The following WNK2 variants were observed in gnomAD, a reference collection of about 807,000 sequenced individuals.
WNK2 encodes serine/threonine-protein kinase WNK2.
A neutral mutation model predicts 192.1 loss-of-function variants in WNK2; 67 were observed. The ratio of observed to expected loss-of-function variants is 0.35; its 90% CI spans 0.29 to 0.43. The LOEUF is 0.43. Among genes scored for constraint, WNK2 ranks in the 20% least tolerant of loss-of-function variants. The pLI, the probability that WNK2 is intolerant of heterozygous loss-of-function variation, is 1.00. For synonymous variants in WNK2, 1,439 were observed against 1,393.9 expected, an observed-to-expected ratio of 1.03 and a Z score of -0.72; for missense variants, 2,698 against 3,089.7, an observed-to-expected ratio of 0.87 and a Z score of 3.01.
At chr9:93,194,317 G>C (rs575556083) in intron 2 of WNK2, among the ~76,000 whole-genome samples, 1 of 152,298 alleles carries the variant, frequency 6.6e-6, no homozygotes, top group Admixed American at 6.5e-5. Context: ...TGACCCATCT[G>C]CTTAAGGACT....
intron 7 of WNK2, among the ~76,000 whole-genome samples, chr9:93,244,632 G>C (rs1841368402): frequency 6.6e-6 from 1 of 152,182 alleles, no homozygotes; most frequent in African/African-American, 2.4e-5. Context: ...AGGTGGGCAA[G>C]GGTGGGGCCA....
At chr9:93,210,443 G>A (rs371294636) in intron 2 of WNK2, among the ~76,000 whole-genome samples, 28 of 152,192 alleles carry the variant, frequency 1.8e-4, no homozygotes, top group African/African-American at 6.7e-4. Context: ...TCAGGGGAGC[G>A]AGTGGGACCA....
chr9:93,269,052 C>A (rs1282201687), intron 19 of WNK2: 2 of 1,034,872 alleles, frequency 1.9e-6, no homozygotes, highest in East Asian at 5.2e-5. Flanking sequence ...GTTAACCTGG[C>A]AACTCCTTGC....
chr9:93,189,081 C>T (rs770608058), intron 2 of WNK2, among the ~76,000 whole-genome samples: 3 of 152,212 alleles, frequency 2.0e-5, no homozygotes, highest in Non-Finnish European at 4.4e-5. Context: ...AAAACATAGC[C>T]AACTCAGACC....
intron 2 of WNK2, among the ~76,000 whole-genome samples, chr9:93,206,515 G>T (rs899505022): frequency 2.0e-5 from 3 of 152,050 alleles, no homozygotes; most frequent in Non-Finnish European, 4.4e-5. Context: ...AGTTCTGACT[G>T]GGGGTGGGGG....
chr9:93,219,987 G>T (rs1016186579), intron 2 of WNK2, among the ~76,000 whole-genome samples: 6 of 152,246 alleles, frequency 3.9e-5, no homozygotes, highest in African/African-American at 1.4e-4. Context: ...GAGGCCTGGG[G>T]ACCAAAGGGG....
intron 28 of WNK2, among the ~76,000 whole-genome samples, chr9:93,310,170 T>C (rs10761208): frequency 0.91 from 139,166 of 152,224 alleles, 64,015 homozygotes; most frequent in East Asian, 1. Flanking sequence ...CTGTTCTGAA[T>C]GACTGCAGGG....
At chr9:93,199,448 C>A (rs1054980494) in intron 2 of WNK2, among the ~76,000 whole-genome samples, 6 of 152,188 alleles carry the variant, frequency 3.9e-5, no homozygotes, top group African/African-American at 1.2e-4. Context: ...TCCTATCTGG[C>A]CCTGTCCTGT....
Position 93,258,941 on chromosome 9 carries a change from T to G in WNK2, c.2393T>G (p.Ile798Ser). ...CTGTGTCTCTTTCAGATGCCCCCGATTCCTGTTGTGCCCCCCATCACGCCC... is the reference window on the plus strand; with the variant it reads ...CTGTGTCTCTTTCAGATGCCCCCGAGTCCTGTTGTGCCCCCCATCACGCCC... ...LAQVPPQMPPIPVVPPITPLA... is the reference protein window; with the variant it reads ...LAQVPPQMPPSPVVPPITPLA... The change falls in exon 12 of 30, where the codon ATT becomes AGT. Residue 798 changes from isoleucine to serine, a missense_variant. Transcript: ENST00000427277. 1 of 1,611,848 alleles carries G rather than the reference T, an allele frequency of 6.2e-7. No homozygotes were observed. Among genetic ancestry groups the G allele is most frequent in the Non-Finnish European group, 8.5e-7 (1 of 1,179,056 alleles).
At chr9:93,215,252 C>T (rs929282041) in intron 2 of WNK2, among the ~76,000 whole-genome samples, 5 of 152,084 alleles carry the variant, frequency 3.3e-5, no homozygotes, top group African/African-American at 9.7e-5. Flanking sequence ...GCTAAGATTA[C>T]AGGTGCTAGC....
At chr9:93,231,171 T>C in intron 4 of WNK2, 63 bp downstream of exon 4, 1 of 1,511,522 alleles carries the variant, frequency 6.6e-7, no homozygotes, top group Non-Finnish European at 9.2e-7. Flanking sequence ...CAGTGAGTGC[T>C]GGCGAGCATC....
intron 19 of WNK2, among the ~76,000 whole-genome samples, chr9:93,288,037 C>A (rs1848703356): frequency 6.6e-6 from 1 of 152,042 alleles, no homozygotes; most frequent in Non-Finnish European, 1.5e-5. Context: ...CAGAGCCAGA[C>A]CATCTCCAAA....
chr9:93,240,121 T>TGGGCAGCTGA (rs1182660440), intron 7 of WNK2, 145 bp downstream of exon 7: 1 of 895,986 alleles, frequency 1.1e-6, no homozygotes, highest in Non-Finnish European at 1.7e-6. Flanking sequence ...CAGGCAGGTG[T>TGGGCAGCTGA]GGGCAGCTGA....
chr9:93,259,583 AAGCTGCTCC>A lies in WNK2; in HGVS notation c.3043_3051del (p.Pro1015_Ala1017del), dbSNP rs1471369879. 1 of 1,591,654 alleles carries A rather than the reference AAGCTGCTCC, an allele frequency of 6.3e-7. No individual in the cohort carries two copies. ...CCCCTCCAGCCCCACCTTCCTGAAC[AAGCTGCTCC>A]AGCTGCTACACCAGGGAGCCAGGTA... On this transcript the variant is annotated inframe_deletion, in exon 12 of 30. Coordinates refer to ENST00000427277, the MANE Select transcript of WNK2 (RefSeq NM_006648.4). The surrounding 1 kb of genome is among the most constrained non-coding windows in gnomAD (Gnocchi z 4.8).
At chr9:93,262,206 G>C in intron 13 of WNK2, 99 bp downstream of exon 13, 1 of 1,413,758 alleles carries the variant, frequency 7.1e-7, no homozygotes, top group African/African-American at 1.4e-5. Context: ...GGTCGGGGTT[G>C]CTTAGCTCTG....
chr9:93,309,235 G>T, intron 28 of WNK2: 1 of 608,290 alleles, frequency 1.6e-6, no homozygotes, highest in Non-Finnish European at 2.1e-6. Context: ...TTTAGCGTGG[G>T]ATACTTTCCT....
chr9:93,288,668 G>A (rs1325592316), intron 19 of WNK2, 120 bp from the exon 20 acceptor site: 6 of 1,061,434 alleles, frequency 5.7e-6, no homozygotes, highest in Non-Finnish European at 8.0e-6. Flanking sequence ...TCGGGAAACA[G>A]AGAAGACCAG....
intron 2 of WNK2, among the ~76,000 whole-genome samples, chr9:93,196,381 G>A (rs1831287299): frequency 6.6e-6 from 1 of 152,316 alleles, no homozygotes; most frequent in South Asian, 2.1e-4. Flanking sequence ...AGATGGCCAT[G>A]TGACAGCCCT....
chr9:93,191,753 G>T (rs1049852269), intron 2 of WNK2, among the ~76,000 whole-genome samples: 4 of 152,120 alleles, frequency 2.6e-5, no homozygotes, highest in South Asian at 4.1e-4. Context: ...AATCGTCCAG[G>T]CATGGTGACT....
Sources: allele counts gnomAD v4.1 joint callset (sites outside exome capture counted in the v4.1 genomes callset), GRCh38; gene constraint gnomAD v4.1.1; non-coding constraint Gnocchi (gnomAD v3.1); transcripts MANE v1.5; gene names NCBI Gene and HGNC (gene_info 2026-07-23, HGNC 2026-07-21).